KLKB1: variants seen among roughly 807,000 people sequenced by gnomAD.
KLKB1 encodes the protein kallikrein B1, also known as plasma kallikrein.
KLKB1 carries 58 observed loss-of-function variants against 73.6 expected under a neutral mutation model. The observed-to-expected ratio is 0.79, with a 90% CI of 0.64 to 0.98. The LOEUF is 0.98. Ranked by LOEUF, KLKB1 falls within the 50% of genes least tolerant of loss-of-function variation. The probability of loss-of-function intolerance (pLI) is 0.00; values close to 1 mark genes in which losing one functional copy is unlikely to be tolerated. For missense variants in KLKB1, 737 were observed against 763.8 expected, an observed-to-expected ratio of 0.96 and a Z score of 0.41; for synonymous variants, 280 against 258.1, an observed-to-expected ratio of 1.08 and a Z score of -0.81.
intron 4 of KLKB1, among the ~76,000 whole-genome samples, chr4:186,236,276 A>G (rs1340106303): frequency 6.6e-6 from 1 of 152,222 alleles, no homozygotes; most frequent in Non-Finnish European, 1.5e-5. Flanking sequence ...TGCGTAAACA[A>G]CAACTCTCCA....
chr4:186,239,300 T>G (rs186267631), intron 6 of KLKB1, among the ~76,000 whole-genome samples: 58 of 100,034 alleles, frequency 5.8e-4, no homozygotes, highest in African/African-American at 2.4e-3. Flanking sequence ...GATACTGTTA[T>G]AGTTATAGGA....
intron 6 of KLKB1, among the ~76,000 whole-genome samples, chr4:186,244,486 C>T (rs1210538177): frequency 6.6e-6 from 1 of 152,096 alleles, no homozygotes; most frequent in East Asian, 1.9e-4. Flanking sequence ...AGCCTTGTGG[C>T]AGTACAGCCC....
intron 2 of KLKB1, among the ~76,000 whole-genome samples, chr4:186,231,110 C>T (rs948424656): frequency 2.6e-5 from 4 of 152,150 alleles, no homozygotes; most frequent in East Asian, 3.9e-4. Context: ...GAAGATGGCA[C>T]TCTCCAGTGC....
chr4:186,258,017 T>C lies in KLKB1; in HGVS notation c.1726-4T>C, dbSNP rs764305206. On this transcript the variant is annotated splice_polypyrimidine_tract_variant and splice_region_variant and intron_variant, in intron 14 of 14. Coordinates refer to ENST00000264690, the MANE Select transcript of KLKB1 (RefSeq NM_000892.5). ...TACTATTTTATTTTTCCACTGTGAC[T>C]CAGGGAGATTCAGGTGGTCCCTTAG... 5.0e-6 allele frequency: 8 copies of C among 1,613,628 alleles called. No individual in the cohort carries two copies. In the East Asian group the frequency reaches 1.8e-4, roughly 36 times the overall value.
Position 186,232,085 on chromosome 4 carries a change from T to G in KLKB1, c.59-42T>G, listed in dbSNP as rs370086908. ...ACAGATATCTTTTTATTAAAATTAT[T>G]ATATGAATTATCGCAAATTAATTTT... is the stretch of plus-strand genomic sequence containing the variant. On this transcript the variant is annotated intron_variant, in intron 2 of 14. Coordinates refer to ENST00000264690, the MANE Select transcript of KLKB1 (RefSeq NM_000892.5). The G allele has an allele frequency of 2.2e-5, 33 of 1,506,962 alleles. No homozygotes were observed. In the African/African-American group the frequency reaches 4.2e-4, roughly 19 times the overall value. The allele number at this position is 1,506,962 out of a possible 1,614,324, so 93.3% of individuals were successfully genotyped here. A position where few individuals can be genotyped will look rare whatever the true frequency, so the allele number is the denominator to read the frequency against.
At position 186,258,066 on chromosome 4, in the gene KLKB1, C is replaced by A; in HGVS notation, c.1771C>A (p.Arg591Ser). ...PLVCKHNGMW[R>S]LVGITSWGEG... is the part of the protein sequence containing the mutation. ...AGTTTGCAAACACAATGGAATGTGG[C>A]GTTTGGTGGGCATCACCAGCTGGGG... Residue 591 changes from arginine to serine, a missense_variant, in exon 15 of 15, where the codon CGT becomes AGT. By Grantham distance (110) the Arg-to-Ser change is moderately radical. Coordinates refer to ENST00000264690, the MANE Select transcript of KLKB1 (RefSeq NM_000892.5). 1 of 1,614,048 alleles carries A rather than the reference C, an allele frequency of 6.2e-7. No individual in the cohort carries two copies. Among genetic ancestry groups the A allele is most frequent in the Non-Finnish European group, 8.5e-7 (1 of 1,179,966 alleles).
chr4:186,236,663 C>A (rs1737705338), intron 4 of KLKB1, 118 bp from the exon 5 acceptor site: 1 of 865,094 alleles, frequency 1.2e-6, no homozygotes, highest in Admixed American at 2.0e-5. Context: ...GTTAATATAG[C>A]AGTTGCCAAA....
chr4:186,219,006 G>T (rs556739168), intron 2 of KLKB1, among the ~76,000 whole-genome samples: 2 of 152,300 alleles, frequency 1.3e-5, no homozygotes, highest in East Asian at 3.9e-4. Flanking sequence ...AAAAGCTGAA[G>T]AACTTGGAGT....
chr4:186,258,300 A>G lies in KLKB1; in HGVS notation c.*88A>G, dbSNP rs769007302. 1.1e-4 allele frequency: 123 copies of G among 1,098,988 alleles called. No individual in the cohort carries two copies. The highest frequency in any genetic ancestry group is 1.6e-4 in the Non-Finnish European group (121 of 734,084). The allele number at this position is 1,098,988 out of a possible 1,614,324, so 68.1% of individuals were successfully genotyped here. A position where few individuals can be genotyped will look rare whatever the true frequency, so the allele number is the denominator to read the frequency against. On this transcript the variant is annotated 3_prime_UTR_variant, in exon 15 of 15. Coordinates refer to ENST00000264690, the MANE Select transcript of KLKB1 (RefSeq NM_000892.5). ...GGGTCCTCATCTGCAAAGCATGGAG[A>G]GTGGCATCTTCTTTGCATCCTAAGG...
At chr4:186,256,235 A>G in intron 13 of KLKB1, 148 bp downstream of exon 13, 2 of 686,300 alleles carry the variant, frequency 2.9e-6, no homozygotes, top group East Asian at 5.5e-5. Context: ...TTATTCAGTT[A>G]TTCTTAAAAA....
At chr4:186,216,892 A>G (rs1165859090) in intron 2 of KLKB1, among the ~76,000 whole-genome samples, 2 of 152,148 alleles carry the variant, frequency 1.3e-5, no homozygotes, top group Non-Finnish European at 2.9e-5. Flanking sequence ...GCCCACTCTG[A>G]TTGACTCCAT....
At chr4:186,239,581 A>G (rs1737902209) in intron 6 of KLKB1, among the ~76,000 whole-genome samples, 2 of 147,154 alleles carry the variant, frequency 1.4e-5, no homozygotes, top group Non-Finnish European at 3.0e-5. Flanking sequence ...GTACAGTGAC[A>G]TAGGACAGTG....
At position 186,251,201 on chromosome 4, in the gene KLKB1, T is replaced by TC. The variant is rs1354983366; in HGVS notation, c.759-18_759-17insC. On this transcript the variant is annotated splice_polypyrimidine_tract_variant and intron_variant, in intron 7 of 14. Coordinates refer to ENST00000264690, the MANE Select transcript of KLKB1 (RefSeq NM_000892.5). ...CAAATTTCTTTCTTTCTCTCTTGCT[T>TC]TTTTTTAAAAAAAATAGAAATGTTT... 1 of 1,550,774 alleles carries TC rather than the reference T, an allele frequency of 6.4e-7. No homozygotes were observed. The highest frequency in any genetic ancestry group is 8.9e-7 in the Non-Finnish European group (1 of 1,124,248).
Position 186,254,756 on chromosome 4 carries a change from T to C in KLKB1, c.1482T>C (p.Asn494=). The change falls in exon 12 of 15, where the codon AAT becomes AAC. Residue 494 remains asparagine, a synonymous_variant. Coordinates refer to ENST00000264690, the MANE Select transcript of KLKB1 (RefSeq NM_000892.5). ...IALIKLQAPL[N]YTEFQKPICL... ...TGATAAAACTCCAGGCTCCTTTGAA[T>C]TACACTGGTATGTAGCATATGTAAG... 1 of 1,612,510 alleles carries C rather than the reference T, an allele frequency of 6.2e-7. No homozygotes were observed. The highest frequency in any genetic ancestry group is 8.5e-7 in the Non-Finnish European group (1 of 1,178,512).
At chr4:186,228,397 A>G (rs1737247253) in intron 2 of KLKB1, 144 bp downstream of exon 2, 1 of 665,988 alleles carries the variant, frequency 1.5e-6, no homozygotes, top group African/African-American at 1.8e-5. Context: ...TGTCTATTTA[A>G]TGTTCCACAA....
intron 12 of KLKB1, among the ~76,000 whole-genome samples, 181 bp from the exon 13 acceptor site, chr4:186,255,811 G>A (rs555361735): frequency 1.3e-5 from 2 of 152,310 alleles, no homozygotes; most frequent in South Asian, 4.2e-4. Flanking sequence ...AAAATGTCAT[G>A]TGAAAAATGG....
In KLKB1 at chr4:186,250,571, T is replaced by G. The variant is rs534966149; in HGVS notation, c.758+169T>G. ...TACTGTTCTGCCAGGTGCAGATTAG[T>G]TAAGAGATTAGCAGACTTCTCTGCC... On this transcript the variant is annotated intron_variant, in intron 7 of 14. Coordinates refer to ENST00000264690, the MANE Select transcript of KLKB1 (RefSeq NM_000892.5). 112 of 749,948 alleles carry G rather than the reference T, an allele frequency of 1.5e-4. 3 individuals are homozygous for G. The highest frequency in any genetic ancestry group is 1.4e-3 in the South Asian group (92 of 67,710). The allele number at this position is 749,948 out of a possible 1,614,324, so 46.5% of individuals were successfully genotyped here.
In KLKB1 at chr4:186,228,254, G is replaced by C. The variant is rs891896684; in HGVS notation, c.58+1G>C. Reference sequence around the variant, plus strand: ...TCCTTGTTTGCTACAGTTTCCTGTGGTAAGTGAATTATCTATAAAACATGG... The same window carrying C: ...TCCTTGTTTGCTACAGTTTCCTGTGCTAAGTGAATTATCTATAAAACATGG... On this transcript the variant is annotated splice_donor_variant, in intron 2 of 14. Transcript: ENST00000264690. LOFTEE classifies it high-confidence loss of function. 1 of 1,583,058 alleles carries C rather than the reference G, an allele frequency of 6.3e-7. No individual in the cohort carries two copies. Among genetic ancestry groups the C allele is most frequent in the South Asian group, 1.1e-5 (1 of 90,376 alleles).
chr4:186,228,388 G>A, intron 2 of KLKB1, 135 bp downstream of exon 2: 1 of 673,424 alleles, frequency 1.5e-6, no homozygotes, highest in Non-Finnish European at 2.7e-6. Context: ...CAGGACACGT[G>A]TCTATTTAAT....
Sources: gnomAD v4.1 joint callset for allele counts (sites outside exome capture counted in the v4.1 genomes callset) on GRCh38, gnomAD v4.1.1 for gene constraint, MANE v1.5 for transcripts, NCBI Gene and HGNC (gene_info 2026-07-23, HGNC 2026-07-21) for gene names.